Variants in CHD7 observed in about 807,000 individuals in gnomAD.
CHD7 encodes the protein chromodomain helicase DNA binding protein 7.
In CHD7, 24 loss-of-function variants were observed where a neutral mutation model predicts 307.3. The ratio of observed to expected loss-of-function variants is 0.08; its 90% CI spans 0.06 to 0.11. The LOEUF (loss-of-function observed/expected upper bound fraction) is 0.11, where lower values mean the gene tolerates loss of function less well. Among genes scored for constraint, CHD7 ranks in the 10% least tolerant of loss-of-function variants. The pLI is 1.00. For synonymous variants in CHD7, 1,363 were observed against 1,349.9 expected (o/e 1.01, Z -0.21); for missense variants, 3,106 against 3,727.1 (o/e 0.83, Z 4.34).
chr8:60,841,565 A>G (rs1250664007), intron 19 of CHD7, 79 bp from the exon 20 acceptor site: 2 of 1,087,384 alleles, frequency 1.8e-6, no homozygotes, highest in Non-Finnish European at 2.8e-6. Flanking sequence ...TATCGGAGCA[A>G]ATACATAAAC....
At chr8:60,860,741 T>C (rs1182876292) in intron 34 of CHD7, among the ~76,000 whole-genome samples, 163 bp from the exon 35 acceptor site, 2 of 152,268 alleles carry the variant, frequency 1.3e-5, no homozygotes, top group African/African-American at 4.8e-5. Context: ...AGCCTCATTT[T>C]CTGACTTTTA....
intron 3 of CHD7, among the ~76,000 whole-genome samples, chr8:60,782,415 A>G (rs1266617576): frequency 2.0e-5 from 3 of 152,232 alleles, no homozygotes; most frequent in Non-Finnish European, 4.4e-5. Flanking sequence ...TTTTGTGGCT[A>G]GAAAGATGTT....
intron 1 of CHD7, among the ~76,000 whole-genome samples, chr8:60,730,390 G>T (rs574632313): frequency 6.6e-6 from 1 of 152,296 alleles, no homozygotes; most frequent in African/African-American, 2.4e-5. Flanking sequence ...GCTAAAAGAT[G>T]GCATGTTTCG....
At chr8:60,762,091 T>TA (rs1334818761) in intron 2 of CHD7, among the ~76,000 whole-genome samples, 2 of 152,200 alleles carry the variant, frequency 1.3e-5, no homozygotes, top group Non-Finnish European at 2.9e-5. Context: ...TCTTGGGTCT[T>TA]AGTCTGTGTC....
At chr8:60,832,891 C>T (rs1005025462) in intron 15 of CHD7, among the ~76,000 whole-genome samples, 25 of 152,152 alleles carry the variant, frequency 1.6e-4, no homozygotes, top group African/African-American at 5.8e-4. Flanking sequence ...TGGCAGTTGT[C>T]CTAATTGGTC....
At chr8:60,795,208 C>G (rs1395406859) in intron 4 of CHD7, 81 bp downstream of exon 4, 1 of 1,309,556 alleles carries the variant, frequency 7.6e-7, no homozygotes, top group Non-Finnish European at 1.1e-6. Context: ...ACAAGACCTC[C>G]CCTATCTTGT....
At chr8:60,819,328 G>T (rs1299678674) in intron 8 of CHD7, among the ~76,000 whole-genome samples, 1 of 152,098 alleles carries the variant, frequency 6.6e-6, no homozygotes, top group Non-Finnish European at 1.5e-5. Flanking sequence ...CTTTACTTTT[G>T]TAAAGATTGT....
intron 2 of CHD7, among the ~76,000 whole-genome samples, chr8:60,757,893 C>A (rs1445249377): frequency 6.6e-6 from 1 of 152,102 alleles, no homozygotes; most frequent in African/African-American, 2.4e-5. Context: ...CAAATATGTT[C>A]AGGTAACTGC....
intron 1 of CHD7, among the ~76,000 whole-genome samples, chr8:60,735,711 G>T (rs1808670649): frequency 6.6e-6 from 1 of 152,172 alleles, no homozygotes; most frequent in African/African-American, 2.4e-5. Flanking sequence ...TCTGAAAGAG[G>T]AGAAAATATT....
At chr8:60,721,243 A>G (rs1000109049) in intron 1 of CHD7, among the ~76,000 whole-genome samples, 13 of 152,226 alleles carry the variant, frequency 8.5e-5, no homozygotes, top group Non-Finnish European at 1.5e-5. Context: ...TAAAGTGGTC[A>G]TAAGGTAGGA....
At chr8:60,715,394 C>T (rs1807545045) in intron 1 of CHD7, among the ~76,000 whole-genome samples, 1 of 151,082 alleles carries the variant, frequency 6.6e-6, no homozygotes, top group African/African-American at 2.4e-5. Context: ...CCGATCTCAC[C>T]TCACTGCAAA....
At chr8:60,792,258 A>G (rs4562360) in intron 3 of CHD7, among the ~76,000 whole-genome samples, 127,555 of 152,200 alleles carry the variant, frequency 0.84, 53,872 homozygotes, top group East Asian at 0.94. Flanking sequence ...ATATTTTTGG[A>G]CAAAGCAGTT....
At chr8:60,758,604 A>T (rs1810009991) in intron 2 of CHD7, among the ~76,000 whole-genome samples, 1 of 152,204 alleles carries the variant, frequency 6.6e-6, no homozygotes, top group African/African-American at 2.4e-5. Flanking sequence ...TGATTGGCTC[A>T]CTTTATTTCA....
chr8:60,768,182 C>T (rs1586295558), intron 2 of CHD7, among the ~76,000 whole-genome samples: 1 of 152,164 alleles, frequency 6.6e-6, no homozygotes, highest in Non-Finnish European at 1.5e-5. Flanking sequence ...ACAAATACTT[C>T]ATTCCTTACT....
chr8:60,781,138 A>C lies in CHD7; in HGVS notation c.1804A>C (p.Lys602Gln). The C allele has an allele frequency of 6.2e-7, 1 of 1,610,166 alleles. No individual in the cohort carries two copies. Among genetic ancestry groups the C allele is most frequent in the South Asian group, 1.1e-5 (1 of 90,052 alleles). Residue 602 changes from lysine to glutamine, a missense_variant, in exon 3 of 38, where the codon AAA (lysine) becomes CAA (glutamine). Lys to Gln is a moderately conservative substitution (Grantham distance 53). This residue lies in a region of CHD7 where 998 missense variants were observed against 1,004.5 expected (regional missense o/e 0.99). Coordinates refer to ENST00000423902, the MANE Select transcript of CHD7 (RefSeq NM_017780.4). Reference protein sequence around the residue: ...QQPQQKKKKKKNNHIVAEDPS... With the variant: ...QQPQQKKKKKQNNHIVAEDPS... ...GCCACAACAAAAGAAGAAGAAAAAGAAAAACAACCACATTGTAGCAGAGGA... is the reference window on the plus strand; with the variant it reads ...GCCACAACAAAAGAAGAAGAAAAAGCAAAACAACCACATTGTAGCAGAGGA...
chr8:60,752,036 AT>A (rs1809665765), intron 2 of CHD7, among the ~76,000 whole-genome samples: 1 of 152,034 alleles, frequency 6.6e-6, no homozygotes. Context: ...AGACTATAAT[AT>A]TTGTGATATT....
chr8:60,695,021 G>C (rs961349812), intron 1 of CHD7, among the ~76,000 whole-genome samples: 1 of 152,150 alleles, frequency 6.6e-6, no homozygotes, highest in Non-Finnish European at 1.5e-5. Flanking sequence ...GCTAGGCGGG[G>C]AAAATGGACT....
intron 1 of CHD7, among the ~76,000 whole-genome samples, chr8:60,713,310 G>A (rs776510856): frequency 2.0e-5 from 3 of 151,722 alleles, no homozygotes; most frequent in East Asian, 2.0e-4. Context: ...ACGGGGTTTC[G>A]CCATATTGGC....
chr8:60,779,315 A>G (rs1482737378), intron 2 of CHD7, among the ~76,000 whole-genome samples: 1 of 152,142 alleles, frequency 6.6e-6, no homozygotes, highest in African/African-American at 2.4e-5. Context: ...CTCTTACACC[A>G]GTGCAATTGA....
Sources: gnomAD v4.1 joint callset for allele counts (sites outside exome capture counted in the v4.1 genomes callset) on GRCh38, gnomAD v4.1.1 for gene constraint, gnomAD v4.1.1 regional missense constraint, MANE v1.5 for transcripts, NCBI Gene and HGNC (gene_info 2026-07-23, HGNC 2026-07-21) for gene names.